The following LYPLAL1 variants were observed in gnomAD, a reference collection of about 807,000 sequenced individuals.
LYPLAL1 encodes lysophospholipase like 1, also known as lysophospholipase-like protein 1.
A neutral mutation model predicts 19.7 loss-of-function variants in LYPLAL1; 23 were observed. The ratio of observed to expected loss-of-function variants is 1.17; its 90% CI spans 0.84 to 1.65. The LOEUF is 1.65. Ranked by LOEUF, LYPLAL1 falls within the 40% of genes most tolerant of loss-of-function variation. The probability of loss-of-function intolerance (pLI) is 0.00; values close to 1 mark genes in which losing one functional copy is unlikely to be tolerated. For missense variants in LYPLAL1, 355 were observed against 279.4 expected (o/e 1.27, Z -1.93); for synonymous variants, 119 against 96.3 (o/e 1.24, Z -1.38).
chr1:219,309,011 C>T, the LYPLAL1 span, among the ~76,000 whole-genome samples: 52 of 152,318 alleles, frequency 3.4e-4, no homozygotes, highest in African/African-American at 9.1e-4. Flanking sequence ...GGAGGCTACA[C>T]GCTGCAAAGC....
chr1:219,442,554 C>T, the LYPLAL1 span: 2 of 152,190 alleles, frequency 1.3e-5, no homozygotes, highest in African/African-American at 4.8e-5. Flanking sequence ...GTCAGTATTT[C>T]TTCTAACGGA....
At chr1:219,422,360 C>A in the LYPLAL1 span, among the ~76,000 whole-genome samples, 1 of 152,114 alleles carries the variant, frequency 6.6e-6, no homozygotes, top group Non-Finnish European at 1.5e-5. Context: ...TCTACAGAAC[C>A]AGGAACTTTG....
intron 2 of LYPLAL1, among the ~76,000 whole-genome samples, chr1:219,183,205 T>G (rs947838810): frequency 5.3e-5 from 8 of 152,072 alleles, no homozygotes; most frequent in Non-Finnish European, 1.0e-4. Flanking sequence ...CACACTGTTT[T>G]ATGTGCTTAT....
At chr1:219,297,694 T>G in the LYPLAL1 span, among the ~76,000 whole-genome samples, 3 of 152,238 alleles carry the variant, frequency 2.0e-5, no homozygotes, top group Admixed American at 1.3e-4. Flanking sequence ...CTAGTGCATT[T>G]GTACTTCATT....
chr1:219,221,120 G>A, the LYPLAL1 span, among the ~76,000 whole-genome samples: 2 of 152,120 alleles, frequency 1.3e-5, no homozygotes, highest in East Asian at 3.9e-4. Context: ...AGTATTATTT[G>A]CCAGAGCTGT....
chr1:219,313,277 G>A, the LYPLAL1 span, among the ~76,000 whole-genome samples: 5 of 152,264 alleles, frequency 3.3e-5, no homozygotes, highest in Non-Finnish European at 7.4e-5. Flanking sequence ...ACTACTTAAC[G>A]TCAGTGTACC....
chr1:219,338,045 T>C, the LYPLAL1 span, among the ~76,000 whole-genome samples: 1 of 152,020 alleles, frequency 6.6e-6, no homozygotes, highest in Non-Finnish European at 1.5e-5. Flanking sequence ...ATAGTTCACC[T>C]AAATTTTGAT....
the LYPLAL1 span, among the ~76,000 whole-genome samples, chr1:219,299,335 G>T: frequency 6.6e-6 from 1 of 151,934 alleles, no homozygotes; most frequent in Non-Finnish European, 1.5e-5. Context: ...TTACATAGTA[G>T]TAATATGTAC....
chr1:219,289,081 T>TTG, the LYPLAL1 span, among the ~76,000 whole-genome samples: 2 of 149,808 alleles, frequency 1.3e-5, no homozygotes, highest in South Asian at 4.3e-4. Flanking sequence ...TTGTTTTGTT[T>TTG]TTTTTGTTTT....
chr1:219,369,483 A>G, the LYPLAL1 span, among the ~76,000 whole-genome samples: 2 of 152,202 alleles, frequency 1.3e-5, no homozygotes, highest in African/African-American at 2.4e-5. Context: ...CATATTGGCC[A>G]AGCTGGTCTC....
chr1:219,232,730 A>G, the LYPLAL1 span, among the ~76,000 whole-genome samples: 150 of 152,312 alleles, frequency 9.8e-4, no homozygotes, highest in South Asian at 2.1e-3. Flanking sequence ...AAGGATTTGA[A>G]TAGACATTTA....
the LYPLAL1 span, among the ~76,000 whole-genome samples, chr1:219,259,857 T>A: frequency 6.6e-6 from 1 of 151,938 alleles, no homozygotes; most frequent in Non-Finnish European, 1.5e-5. Context: ...GTAGCTGATA[T>A]GGATAAATGC....
the LYPLAL1 span, among the ~76,000 whole-genome samples, chr1:219,438,577 G>T: frequency 4.6e-5 from 7 of 152,152 alleles, no homozygotes; most frequent in African/African-American, 1.7e-4. Flanking sequence ...CCAGGTTATC[G>T]TCAGCACCTA....
At chr1:219,185,648 A>G (rs1254213299) in intron 2 of LYPLAL1, among the ~76,000 whole-genome samples, 3 of 151,874 alleles carry the variant, frequency 2.0e-5, no homozygotes, top group African/African-American at 7.2e-5. Flanking sequence ...GGCCTCTCCT[A>G]TGGGAAAACT....
the LYPLAL1 span, among the ~76,000 whole-genome samples, chr1:219,224,103 T>G: frequency 1.3e-5 from 2 of 152,126 alleles, no homozygotes; most frequent in Non-Finnish European, 2.9e-5. Flanking sequence ...ATTACTGAAA[T>G]TGAAATATTG....
At chr1:219,211,278 A>G (rs1265768464) in intron 4 of LYPLAL1, among the ~76,000 whole-genome samples, 1 of 152,050 alleles carries the variant, frequency 6.6e-6, no homozygotes, top group Non-Finnish European at 1.5e-5. Context: ...AATGTAAGTG[A>G]CACACAGTTA....
chr1:219,386,790 G>A, the LYPLAL1 span, among the ~76,000 whole-genome samples: 4 of 151,944 alleles, frequency 2.6e-5, no homozygotes, highest in Admixed American at 6.6e-5. Context: ...CTACAAACAC[G>A]ACCATCTTTT....
Position 219,198,976 on chromosome 1 carries a change from C to G in LYPLAL1, c.361+5725C>G, listed in dbSNP as rs1476112381. Among the ~76,000 whole-genome samples, 3 of 152,162 alleles carry G rather than the reference C, an allele frequency of 2.0e-5. No homozygotes were observed. The East Asian group carries it at 5.8e-4, about 29-fold the overall frequency. On this transcript the variant is annotated intron_variant, in intron 3 of 4. Transcript: ENST00000366928. Reference sequence around the variant, plus strand: ...ATATAACTATTCAAAGTATATATATCATAATATATGTGGCAACCAGAAGGT... The same window carrying G: ...ATATAACTATTCAAAGTATATATATGATAATATATGTGGCAACCAGAAGGT...
the LYPLAL1 span, among the ~76,000 whole-genome samples, chr1:219,293,183 C>A: frequency 6.6e-6 from 1 of 152,018 alleles, no homozygotes; most frequent in Admixed American, 6.6e-5. Context: ...ACTTCCTTAG[C>A]AGATGAGCCA....
Sources: allele counts gnomAD v4.1 joint callset (sites outside exome capture counted in the v4.1 genomes callset), GRCh38; gene constraint gnomAD v4.1.1; transcripts MANE v1.5; gene names NCBI Gene and HGNC (gene_info 2026-07-23, HGNC 2026-07-21).